Variants in COL23A1 observed in about 807,000 individuals in gnomAD.
COL23A1 encodes the protein collagen alpha-1(XXIII) chain.
COL23A1 carries 97 observed loss-of-function variants against 99.3 expected under a neutral mutation model. The observed-to-expected ratio is 0.98, with a 90% CI of 0.83 to 1.16. The LOEUF is 1.16. Ranked by LOEUF, COL23A1 falls within the 50% of genes most tolerant of loss-of-function variation. The probability of loss-of-function intolerance (pLI) is 0.00; values close to 1 mark genes in which losing one functional copy is unlikely to be tolerated. For missense variants in COL23A1, 762 were observed against 757.4 expected (o/e 1.01, Z -0.07); for synonymous variants, 320 against 308.2 (o/e 1.04, Z -0.40).
intron 12 of COL23A1, 129 bp from the exon 13 acceptor site, chr5:178,257,696 C>A: frequency 1.1e-6 from 1 of 895,560 alleles, no homozygotes; most frequent in South Asian, 1.5e-5. Flanking sequence ...CCAGGCAGCT[C>A]CTCCCCACCC....
intron 2 of COL23A1, among the ~76,000 whole-genome samples, chr5:178,353,492 T>C (rs911500162): frequency 6.6e-6 from 1 of 152,166 alleles, no homozygotes; most frequent in Non-Finnish European, 1.5e-5. Flanking sequence ...AAGATGTGAA[T>C]AGCCAAAAGA....
Position 178,247,797 on chromosome 5 carries a change from G to T in COL23A1, c.1247C>A (p.Pro416His). 6.2e-7 allele frequency: 1 copy of T among 1,613,740 alleles called. No homozygotes were observed. Among genetic ancestry groups the T allele is most frequent in the Non-Finnish European group, 8.5e-7 (1 of 1,179,810 alleles). ...QLIVEPGPPG[P>H]PGPPGPMGLQ... ...TACCATCGGGCCTGGGGGGCCAGGG[G>T]GGCCAGGGGGCCCTGGCTCCACTAT... is the stretch of plus-strand genomic sequence containing the variant. The change falls in exon 21 of 29, where the codon CCC (proline) becomes CAC (histidine). Residue 416 changes from proline to histidine, a missense_variant. Coordinates refer to ENST00000390654, the MANE Select transcript of COL23A1 (RefSeq NM_173465.4).
At chr5:178,471,081 T>C (rs1215578891) in intron 2 of COL23A1, among the ~76,000 whole-genome samples, 13 of 152,136 alleles carry the variant, frequency 8.5e-5, no homozygotes, top group Admixed American at 7.2e-4. Context: ...TCCTCGTGTA[T>C]TGGTCAGGTC....
At chr5:178,585,827 A>C (rs888045538) in intron 1 of COL23A1, among the ~76,000 whole-genome samples, 19 of 129,128 alleles carry the variant, frequency 1.5e-4, no homozygotes, top group African/African-American at 4.6e-4. Context: ...CAACACGCCC[A>C]GCCTCAGGGG....
chr5:178,257,232 G>A (rs1439546213), intron 13 of COL23A1, among the ~76,000 whole-genome samples: 1 of 152,158 alleles, frequency 6.6e-6, no homozygotes, highest in Non-Finnish European at 1.5e-5. Context: ...GGTTGGGGGA[G>A]CAAGGCATGA....
chr5:178,402,317 CCTGTCT>C, intron 2 of COL23A1, among the ~76,000 whole-genome samples: 1 of 151,710 alleles, frequency 6.6e-6, no homozygotes, highest in East Asian at 1.9e-4. Flanking sequence ...GTGGTGAGAC[CCTGTCT>C]CTAAAAACAG....
rs1185127862 is a variant in COL23A1, at chr5:178,415,971, G to C, written c.362-109052C>G. On this transcript the variant is annotated intron_variant, in intron 2 of 28. Coordinates refer to ENST00000390654, the MANE Select transcript of COL23A1 (RefSeq NM_173465.4). This position sits in a 1 kb window ranked among gnomAD's most constrained non-coding sequence, Gnocchi z 4.6. Reference sequence around the variant, plus strand: ...AGTCAGAGCTGGGCCCTGAAGGATGGGACCAGGGAGGGCGGACGAAGCTGG... The same window carrying C: ...AGTCAGAGCTGGGCCCTGAAGGATGCGACCAGGGAGGGCGGACGAAGCTGG... Among the ~76,000 whole-genome samples the C allele has an allele frequency of 6.6e-6, 1 of 152,118 alleles. No individual in the cohort carries two copies. Among genetic ancestry groups the C allele is most frequent in the Non-Finnish European group, 1.5e-5 (1 of 68,022 alleles).
rs1056130052 is a variant in COL23A1 at position 178,426,332 on chromosome 5, C to T, written c.362-119413G>A. ...GTCTCAACTTCAGCTCATCGCTTTT[C>T]GTCTTGCATTCTCCCCTTCCTCATT... On this transcript the variant is annotated intron_variant, in intron 2 of 28. Coordinates refer to ENST00000390654, the MANE Select transcript of COL23A1 (RefSeq NM_173465.4). 6.6e-5 allele frequency among the ~76,000 whole-genome samples: 10 copies of T among 152,330 alleles called. No individual in the cohort carries two copies. The East Asian group carries it at 1.2e-3, about 18-fold the overall frequency.
chr5:178,562,115 G>A (rs768892763), intron 1 of COL23A1: 7 of 523,936 alleles, frequency 1.3e-5, no homozygotes, highest in South Asian at 7.7e-5. Context: ...GGTGGCAGGC[G>A]CCTATAATCC....
chr5:178,374,642 T>C (rs1194093356), intron 2 of COL23A1, among the ~76,000 whole-genome samples: 1 of 152,222 alleles, frequency 6.6e-6, no homozygotes, highest in Non-Finnish European at 1.5e-5. Context: ...AGTGTCCAGC[T>C]TTAGTAAGCG....
At chr5:178,577,851 C>T (rs964788110) in intron 1 of COL23A1, among the ~76,000 whole-genome samples, 1 of 152,256 alleles carries the variant, frequency 6.6e-6, no homozygotes, top group Non-Finnish European at 1.5e-5. Context: ...TGGACTCAGA[C>T]CCAGGCTTCC....
intron 2 of COL23A1, among the ~76,000 whole-genome samples, chr5:178,403,143 A>T (rs1764563730): frequency 2.0e-5 from 3 of 146,890 alleles, no homozygotes. Flanking sequence ...AAAAATAAAT[A>T]CCATTTACCG....
intron 11 of COL23A1, among the ~76,000 whole-genome samples, chr5:178,261,115 A>G (rs1765603448): frequency 6.6e-6 from 1 of 152,118 alleles, no homozygotes; most frequent in African/African-American, 2.4e-5. Context: ...ACTGTTCTAA[A>G]AATAAAATCT....
intron 2 of COL23A1, among the ~76,000 whole-genome samples, chr5:178,425,696 G>A (rs1272727695): frequency 6.6e-6 from 1 of 152,194 alleles, no homozygotes; most frequent in Non-Finnish European, 1.5e-5. Context: ...GGGAGAAGCC[G>A]CGGTGAATGG....
chr5:178,239,302 C>T (rs1318111644), intron 27 of COL23A1, 123 bp from the exon 28 acceptor site: 6 of 1,084,646 alleles, frequency 5.5e-6, no homozygotes, highest in Admixed American at 1.8e-5. Context: ...GACTGCTGGG[C>T]CCCACTGAGG....
Position 178,590,329 on chromosome 5 carries a change from C to T in COL23A1, c.-132G>A. ...GCGGGGGTTAGCCTCCGGGTAGCAG[C>T]GGATCGCCGCGCACGCCCCCTTCGC... On this transcript the variant is annotated 5_prime_UTR_variant, in exon 1 of 29. Coordinates refer to ENST00000390654, the MANE Select transcript of COL23A1 (RefSeq NM_173465.4). The surrounding 1 kb of genome is among the most constrained non-coding windows in gnomAD (Gnocchi z 5.7). 1.3e-6 allele frequency: 1 copy of T among 779,460 alleles called. No homozygotes were observed. The allele number at this position is 779,460 out of a possible 1,614,324, so 48.3% of individuals were successfully genotyped here.
At chr5:178,290,025 G>A (rs558985993) in intron 4 of COL23A1, among the ~76,000 whole-genome samples, 2 of 152,250 alleles carry the variant, frequency 1.3e-5, no homozygotes, top group South Asian at 2.1e-4. Flanking sequence ...CTGCCTCCTG[G>A]GTTCAAGCAA....
At chr5:178,243,295 C>G (rs558125431) in intron 25 of COL23A1, among the ~76,000 whole-genome samples, 1 of 151,958 alleles carries the variant, frequency 6.6e-6, no homozygotes, top group Non-Finnish European at 1.5e-5. Context: ...CAAGACCAGC[C>G]TGGGCAACAC....
At position 178,261,633 on chromosome 5, in the gene COL23A1, TGGGGGGAA is replaced by T. The variant is rs1247634383; in HGVS notation, c.702+81_702+88del. On this transcript the variant is annotated intron_variant, in intron 11 of 28. Coordinates refer to ENST00000390654, the MANE Select transcript of COL23A1 (RefSeq NM_173465.4). Reference sequence around the variant, plus strand: ...CCTGCTGCCTTGGCTTCACTAGGGGTGGGGGGAAGAGACAGGAAGTGGAGGTGGTGGTG... The same window carrying T: ...CCTGCTGCCTTGGCTTCACTAGGGGTGAGACAGGAAGTGGAGGTGGTGGTG... 8 of 840,426 alleles carry T rather than the reference TGGGGGGAA, an allele frequency of 9.5e-6. No individual in the cohort carries two copies. In the African/African-American group the frequency reaches 1.4e-4, roughly 15 times the overall value. The allele number at this position is 840,426 out of a possible 1,614,324, so 52.1% of individuals were successfully genotyped here.
Sources: gnomAD v4.1 joint callset for allele counts (sites outside exome capture counted in the v4.1 genomes callset) on GRCh38, gnomAD v4.1.1 for gene constraint, Gnocchi (gnomAD v3.1) non-coding constraint, MANE v1.5 for transcripts, NCBI Gene and HGNC (gene_info 2026-07-23, HGNC 2026-07-21) for gene names.